The following FMN1 variants were observed in gnomAD, a reference collection of about 807,000 sequenced individuals.
The protein encoded by FMN1 is formin 1.
A neutral mutation model predicts 132.4 loss-of-function variants in FMN1; 110 were observed. The observed-to-expected ratio is 0.83, with a 90% CI of 0.71 to 0.97. The LOEUF is 0.97. Among genes scored for constraint, FMN1 ranks in the 50% least tolerant of loss-of-function variants. FMN1 has a pLI of 0.00. For missense variants in FMN1, 1,792 were observed against 1,705.3 expected, an observed-to-expected ratio of 1.05 and a Z score of -0.90; for synonymous variants, 722 against 651.7, an observed-to-expected ratio of 1.11 and a Z score of -1.64.
chr15:32,866,839 C>T (rs2059403641), intron 16 of FMN1, among the ~76,000 whole-genome samples: 1 of 152,184 alleles, frequency 6.6e-6, no homozygotes, highest in African/African-American at 2.4e-5. Context: ...CTTTGTAAAA[C>T]ACTTTGTCCC....
chr15:33,092,854 T>C (rs1296988237), intron 4 of FMN1, among the ~76,000 whole-genome samples: 1 of 152,186 alleles, frequency 6.6e-6, no homozygotes, highest in Non-Finnish European at 1.5e-5. Context: ...TTGTAACTTG[T>C]ACTGAAAAAA....
In FMN1 at chr15:33,088,893, C is replaced by T; in HGVS notation, c.1949G>A (p.Trp650Ter). Residue 650 changes from tryptophan to a stop codon, truncating the protein, a stop_gained, in exon 5 of 21, where the codon TGG becomes TAG. Transcript: ENST00000616417. LOFTEE classifies it high-confidence loss of function. The stretch of plus-strand genomic sequence containing the variant: ...TGGTCCCGCTCTGTAGCCCAGAACC[C>T]ACGCGCCTCCATCTCTGTTGGGAAG... The part of the protein sequence containing the change: ...KDLPNRDGGA[W>*]VLGYRAGPAC... 2 of 1,535,934 alleles carry T rather than the reference C, an allele frequency of 1.3e-6. No individual in the cohort carries two copies. The highest frequency in any genetic ancestry group is 1.7e-6 in the Non-Finnish European group (2 of 1,146,834).
intron 4 of FMN1, among the ~76,000 whole-genome samples, chr15:33,149,075 A>T: frequency 6.6e-6 from 1 of 150,500 alleles, no homozygotes; most frequent in East Asian, 1.9e-4. Flanking sequence ...ATTCACTACA[A>T]CCAGAGAAAC....
chr15:32,922,237 A>C (rs1359289649), intron 10 of FMN1, among the ~76,000 whole-genome samples: 1 of 152,208 alleles, frequency 6.6e-6, no homozygotes, highest in Non-Finnish European at 1.5e-5. Flanking sequence ...GAAGGAAAGA[A>C]GGCAGGCAAG....
chr15:32,874,591 C>G (rs2059595350), intron 16 of FMN1, among the ~76,000 whole-genome samples: 1 of 152,158 alleles, frequency 6.6e-6, no homozygotes, highest in Admixed American at 6.5e-5. Context: ...CTCTAACAGA[C>G]TGACAAGTAT....
At chr15:33,118,815 A>T (rs1201416091) in intron 4 of FMN1, among the ~76,000 whole-genome samples, 1 of 152,122 alleles carries the variant, frequency 6.6e-6, no homozygotes, top group Non-Finnish European at 1.5e-5. Flanking sequence ...AATGGTATAA[A>T]ATCTTTAAAT....
At chr15:32,964,067 T>C (rs1448836873) in intron 9 of FMN1, 40 bp downstream of exon 9, 2 of 1,487,414 alleles carry the variant, frequency 1.3e-6, no homozygotes, top group Non-Finnish European at 1.9e-6. Flanking sequence ...CATTTCCCTG[T>C]ATAATATATA....
chr15:32,797,102 T>C (rs189803828), intron 19 of FMN1, among the ~76,000 whole-genome samples: 21 of 152,380 alleles, frequency 1.4e-4, no homozygotes, highest in Non-Finnish European at 2.6e-4. Flanking sequence ...TACTGTCATT[T>C]TGAAGGACTT....
At chr15:32,840,191 T>G (rs1208895011) in intron 17 of FMN1, among the ~76,000 whole-genome samples, 1 of 152,162 alleles carries the variant, frequency 6.6e-6, no homozygotes, top group Non-Finnish European at 1.5e-5. Context: ...GCCACTGTTG[T>G]TTTAGCCCTT....
chr15:32,841,961 C>T (rs528929357), intron 17 of FMN1, among the ~76,000 whole-genome samples: 4 of 152,140 alleles, frequency 2.6e-5, no homozygotes, highest in South Asian at 2.1e-4. Context: ...ATCTGAGGAA[C>T]GATCAATTAG....
At chr15:32,798,396 G>C (rs1443499001) in intron 19 of FMN1, among the ~76,000 whole-genome samples, 3 of 151,550 alleles carry the variant, frequency 2.0e-5, no homozygotes, top group African/African-American at 7.3e-5. Flanking sequence ...GAGTCACAGA[G>C]ATTTTCCTTT....
At chr15:33,141,930 G>C (rs1964026818) in intron 4 of FMN1, among the ~76,000 whole-genome samples, 1 of 152,096 alleles carries the variant, frequency 6.6e-6, no homozygotes. Flanking sequence ...TTGCAAGGGG[G>C]ATCTGGGTGG....
rs538794145 is a variant in FMN1 at position 33,029,088 on chromosome 15, A to C, written c.2162-21013T>G. On this transcript the variant is annotated intron_variant, in intron 6 of 20. Transcript: ENST00000616417. ...TGAAGAAATACACTTAAATAATACC[A>C]TAAAAATCAGAATCTTAAGGACAGA... is the stretch of plus-strand genomic sequence containing the variant. Among the ~76,000 whole-genome samples the C allele has an allele frequency of 4.1e-3, 617 of 152,336 alleles. 7 individuals are homozygous for C. Among genetic ancestry groups the C allele is most frequent in the African/African-American group, 0.014 (593 of 41,574 alleles).
intron 9 of FMN1, among the ~76,000 whole-genome samples, chr15:32,935,441 G>A (rs2061241628): frequency 6.6e-6 from 1 of 152,024 alleles, no homozygotes; most frequent in African/African-American, 2.4e-5. Context: ...GCTCAGTGTG[G>A]TCTTTTGAGT....
At chr15:32,947,166 C>T (rs1342743819) in intron 9 of FMN1, among the ~76,000 whole-genome samples, 3 of 152,034 alleles carry the variant, frequency 2.0e-5, no homozygotes. Flanking sequence ...TGTTTCCTTT[C>T]TCATTGTTAC....
intron 19 of FMN1, among the ~76,000 whole-genome samples, chr15:32,797,369 G>A (rs11629595): frequency 0.2 from 29,869 of 152,086 alleles, 3,823 homozygotes; most frequent in Admixed American, 0.27. Flanking sequence ...CCCACTGTGG[G>A]ATGTCCCAGC....
At chr15:32,824,328 C>T (rs1312506647) in intron 17 of FMN1, among the ~76,000 whole-genome samples, 2 of 152,140 alleles carry the variant, frequency 1.3e-5, no homozygotes, top group East Asian at 1.9e-4. Flanking sequence ...CCTCTTAGTG[C>T]GTGCTTACCT....
At chr15:32,988,068 T>C (rs999009958) in intron 7 of FMN1, among the ~76,000 whole-genome samples, 3 of 143,090 alleles carry the variant, frequency 2.1e-5, no homozygotes, top group Admixed American at 6.9e-5. Flanking sequence ...TTTTTTTTTT[T>C]TTCTTTTTTT....
intron 17 of FMN1, among the ~76,000 whole-genome samples, chr15:32,839,123 GC>G (rs1470322237): frequency 6.6e-6 from 1 of 152,060 alleles, no homozygotes; most frequent in Non-Finnish European, 1.5e-5. Context: ...ATGAGAAAGT[GC>G]CCCCAGATCA....
Sources: allele counts gnomAD v4.1 joint callset (sites outside exome capture counted in the v4.1 genomes callset), GRCh38; gene constraint gnomAD v4.1.1; transcripts MANE v1.5; gene names NCBI Gene and HGNC (gene_info 2026-07-23, HGNC 2026-07-21).